The following PCCB variants were observed in gnomAD, a reference collection of about 807,000 sequenced individuals.
PCCB encodes propionyl-CoA carboxylase beta chain, mitochondrial.
PCCB carries 43 observed loss-of-function variants against 60.7 expected under a neutral mutation model. The ratio of observed to expected loss-of-function variants is 0.71; its 90% CI spans 0.55 to 0.91. PCCB has a LOEUF of 0.91. Ranked by LOEUF, PCCB falls within the 40% of genes least tolerant of loss-of-function variation. The pLI, the probability that PCCB is intolerant of heterozygous loss-of-function variation, is 0.00. For synonymous variants in PCCB, 276 were observed against 255.9 expected (o/e 1.08, Z -0.75); for missense variants, 766 against 702.8 (o/e 1.09, Z -1.02).
intron 1 of PCCB, among the ~76,000 whole-genome samples, chr3:136,251,659 A>G (rs1941521134): frequency 6.6e-6 from 1 of 152,074 alleles, no homozygotes; most frequent in Non-Finnish European, 1.5e-5. Context: ...CTACTCTGTT[A>G]GGGCTGAGGG....
intron 5 of PCCB, among the ~76,000 whole-genome samples, chr3:136,266,630 C>T (rs564745013): frequency 3.9e-5 from 6 of 152,284 alleles, no homozygotes; most frequent in East Asian, 1.9e-4. Flanking sequence ...GTAATGGTAT[C>T]TCACTGTAGT....
At chr3:136,265,051 G>A (rs539510962) in intron 5 of PCCB, among the ~76,000 whole-genome samples, 18 of 148,228 alleles carry the variant, frequency 1.2e-4, no homozygotes, top group Admixed American at 4.0e-4. Flanking sequence ...AAAATTAGGC[G>A]GGCGTGATGG....
At chr3:136,269,526 A>C (rs1485615805) in intron 5 of PCCB, among the ~76,000 whole-genome samples, 2 of 152,024 alleles carry the variant, frequency 1.3e-5, no homozygotes, top group Non-Finnish European at 2.9e-5. Flanking sequence ...GATGCCTTTT[A>C]TTTCTTTTTC....
chr3:136,280,003 A>G (rs1942434002), intron 5 of PCCB, among the ~76,000 whole-genome samples: 4 of 151,656 alleles, frequency 2.6e-5, no homozygotes, highest in Admixed American at 6.6e-5. Flanking sequence ...TTTTGTGCAG[A>G]CTCCTCTGCT....
intron 9 of PCCB, among the ~76,000 whole-genome samples, chr3:136,307,999 AATATG>A (rs1450265529): frequency 6.6e-6 from 1 of 151,716 alleles, no homozygotes; most frequent in Non-Finnish European, 1.5e-5. Context: ...TAATAATAAT[AATATG>A]ATAGTAAAAA....
Position 136,307,068 on chromosome 3 carries a change from A to G in PCCB, c.966+5957A>G, listed in dbSNP as rs775649937. Reference sequence around the variant, plus strand: ...AAGCAACGTAGAAAAGCAAGGAAACAACAGAAAAGCACTTTCAGGAGGCTG... The same window carrying G: ...AAGCAACGTAGAAAAGCAAGGAAACGACAGAAAAGCACTTTCAGGAGGCTG... On this transcript the variant is annotated intron_variant, in intron 9 of 14. Coordinates refer to ENST00000251654, the MANE Select transcript of PCCB (RefSeq NM_000532.5). Among the ~76,000 whole-genome samples the G allele has an allele frequency of 6.5e-5, 8 of 123,012 alleles. 3 individuals carry two copies. The highest frequency in any genetic ancestry group is 1.3e-4 in the Non-Finnish European group (7 of 55,136). The allele number at this position is 123,012 out of a possible 152,430, so 80.7% of individuals were successfully genotyped here. A position where few individuals can be genotyped will look rare whatever the true frequency, so the allele number is the denominator to read the frequency against.
intron 5 of PCCB, among the ~76,000 whole-genome samples, chr3:136,268,474 T>C (rs1047248184): frequency 6.6e-6 from 1 of 151,320 alleles, no homozygotes; most frequent in African/African-American, 2.4e-5. Flanking sequence ...GGTTTTTTTT[T>C]TTTTTTTTAG....
intron 6 of PCCB, among the ~76,000 whole-genome samples, chr3:136,286,349 T>G (rs949410942): frequency 2.6e-5 from 4 of 152,236 alleles, no homozygotes; most frequent in Admixed American, 6.5e-5. Context: ...CTGATCCGTA[T>G]GCTGACAACT....
At chr3:136,265,143 A>G (rs968199802) in intron 5 of PCCB, among the ~76,000 whole-genome samples, 1 of 152,224 alleles carries the variant, frequency 6.6e-6, no homozygotes, top group African/African-American at 2.4e-5. Flanking sequence ...CAGTGAACTG[A>G]GATCATGCCA....
intron 9 of PCCB, among the ~76,000 whole-genome samples, chr3:136,304,173 G>C (rs1003798060): frequency 9.4e-6 from 1 of 106,784 alleles, no homozygotes; most frequent in African/African-American, 2.7e-5. Context: ...TTTTCCCTCA[G>C]AGACAGGGTC....
rs1935354676 is a variant in PCCB, at chr3:136,327,244, A to C, written c.1288A>C (p.Ile430Leu). The C allele has an allele frequency of 7.4e-6, 12 of 1,612,734 alleles. No individual in the cohort carries two copies. The East Asian group carries it at 2.7e-4, about 36-fold the overall frequency. ...GGCAACTGTACCCAAAGTCACAGTC[A>C]TCACCAGGAAGGTGAGGACCTCATG... is the stretch of plus-strand genomic sequence containing the variant. ...AEATVPKVTV[I>L]TRKAYGGAYD... The change falls in exon 12 of 15, where the codon ATC (isoleucine) becomes CTC (leucine). Residue 430 changes from isoleucine (I) to leucine (L), a missense_variant. Transcript: ENST00000251654.
chr3:136,324,861 G>A (rs1007421257), intron 10 of PCCB, among the ~76,000 whole-genome samples: 8 of 152,132 alleles, frequency 5.3e-5, no homozygotes, highest in African/African-American at 1.7e-4. Flanking sequence ...AATGGGACAA[G>A]TGTAATTAAA....
At chr3:136,283,583 G>A (rs969316706) in intron 5 of PCCB, among the ~76,000 whole-genome samples, 5 of 152,110 alleles carry the variant, frequency 3.3e-5, no homozygotes, top group Non-Finnish European at 7.3e-5. Flanking sequence ...GAAGGTTTTA[G>A]GGAACTGCTG....
intron 5 of PCCB, among the ~76,000 whole-genome samples, chr3:136,278,640 C>T (rs1158378894): frequency 6.6e-6 from 1 of 152,122 alleles, no homozygotes; most frequent in Non-Finnish European, 1.5e-5. Flanking sequence ...TAGTTTTATT[C>T]CATTGTGATC....
intron 6 of PCCB, among the ~76,000 whole-genome samples, chr3:136,290,576 G>A (rs1933630498): frequency 6.7e-6 from 1 of 150,086 alleles, no homozygotes; most frequent in African/African-American, 2.5e-5. Context: ...TCCCAGGCTG[G>A]TTCAAACTCC....
chr3:136,320,690 T>A (rs1206348221), intron 10 of PCCB, among the ~76,000 whole-genome samples: 1 of 152,366 alleles, frequency 6.6e-6, no homozygotes, highest in African/African-American at 2.4e-5. Flanking sequence ...ATTGTGAATA[T>A]TATGAAAGTT....
intron 4 of PCCB, 63 bp downstream of exon 4, chr3:136,260,598 A>G (rs1328333315): frequency 4.5e-6 from 6 of 1,347,042 alleles, no homozygotes; most frequent in African/African-American, 4.3e-5. Context: ...CTTATTGAGT[A>G]TCTTTGGGGT....
intron 5 of PCCB, among the ~76,000 whole-genome samples, chr3:136,274,670 C>T (rs1365106359): frequency 6.6e-6 from 1 of 152,210 alleles, no homozygotes. Context: ...ATTGAAATCT[C>T]AGGCAAGGCC....
chr3:136,323,313 A>G (rs116583506), intron 10 of PCCB, among the ~76,000 whole-genome samples: 1,596 of 152,024 alleles, frequency 0.01, 30 homozygotes, highest in African/African-American at 0.037. Flanking sequence ...AGTAATTTCA[A>G]TTGTTTTATC....
Sources: allele counts gnomAD v4.1 joint callset (sites outside exome capture counted in the v4.1 genomes callset), GRCh38; gene constraint gnomAD v4.1.1; transcripts MANE v1.5; gene names NCBI Gene and HGNC (gene_info 2026-07-23, HGNC 2026-07-21).